Variants in ANKS1B observed in about 807,000 individuals in gnomAD.
ANKS1B encodes the protein ankyrin repeat and sterile alpha motif domain-containing protein 1B.
A neutral mutation model predicts 148.3 loss-of-function variants in ANKS1B; 36 were observed. The observed-to-expected ratio is 0.24, with a 90% CI of 0.19 to 0.32. The LOEUF is 0.32. Among genes scored for constraint, ANKS1B ranks in the 10% least tolerant of loss-of-function variants. The pLI is 1.00. For synonymous variants in ANKS1B, 542 were observed against 560.8 expected, an observed-to-expected ratio of 0.97 and a Z score of 0.47; for missense variants, 1,157 against 1,542.6, an observed-to-expected ratio of 0.75 and a Z score of 4.19.
At chr12:99,293,312 G>A (rs992143674) in intron 12 of ANKS1B, among the ~76,000 whole-genome samples, 2 of 151,654 alleles carry the variant, frequency 1.3e-5, no homozygotes, top group African/African-American at 4.9e-5. Context: ...GAGAACACCT[G>A]GACACAGGGT....
chr12:98,983,809 TGA>T (rs1338351842), intron 17 of ANKS1B, among the ~76,000 whole-genome samples: 8 of 152,200 alleles, frequency 5.3e-5, no homozygotes, highest in Non-Finnish European at 8.8e-5. Flanking sequence ...AAAACTCCAC[TGA>T]GTTTCAAGGC....
chr12:98,763,157 A>G (rs1448192042), intron 25 of ANKS1B, among the ~76,000 whole-genome samples: 2 of 152,218 alleles, frequency 1.3e-5, no homozygotes, highest in African/African-American at 4.8e-5. Flanking sequence ...TTTTTAGGCT[A>G]TATTTTGCTT....
intron 20 of ANKS1B, among the ~76,000 whole-genome samples, chr12:98,803,107 AT>A (rs1594183045): frequency 6.6e-6 from 1 of 151,380 alleles, no homozygotes; most frequent in Non-Finnish European, 1.5e-5. Flanking sequence ...TCTTATTTTG[AT>A]TTTTTTTCTT....
intron 14 of ANKS1B, among the ~76,000 whole-genome samples, chr12:99,225,853 T>A (rs2085852150): frequency 6.6e-6 from 1 of 152,210 alleles, no homozygotes; most frequent in Non-Finnish European, 1.5e-5. Context: ...GCAGACAGCA[T>A]ATTGTGGGAC....
intron 8 of ANKS1B, among the ~76,000 whole-genome samples, chr12:99,657,983 T>C (rs1471120104): frequency 6.7e-6 from 1 of 148,428 alleles, no homozygotes; most frequent in Non-Finnish European, 1.5e-5. Flanking sequence ...GCAAATGATA[T>C]CCAAATTCCT....
intron 15 of ANKS1B, among the ~76,000 whole-genome samples, chr12:99,094,830 G>T (rs2055365716): frequency 6.6e-6 from 1 of 152,178 alleles, no homozygotes; most frequent in Non-Finnish European, 1.5e-5. Flanking sequence ...AGTGCAATGG[G>T]AAACATTGAA....
intron 25 of ANKS1B, among the ~76,000 whole-genome samples, chr12:98,757,041 TAAAAAAAAAAGGAA>T (rs2098266469): frequency 7.0e-6 from 1 of 143,038 alleles, no homozygotes; most frequent in African/African-American, 2.6e-5. Flanking sequence ...GACTCAATCT[TAAAAAAAAAAGGAA>T]AAAAAAAAAA....
At chr12:98,974,915 TTTC>T (rs1361431248) in intron 17 of ANKS1B, among the ~76,000 whole-genome samples, 1 of 142,470 alleles carries the variant, frequency 7.0e-6, no homozygotes, top group African/African-American at 2.6e-5. Flanking sequence ...CCCTCCCTTC[TTTC>T]TTCTTCCCTT....
intron 1 of ANKS1B, among the ~76,000 whole-genome samples, chr12:99,869,491 T>C (rs1174824585): frequency 6.6e-6 from 1 of 151,838 alleles, no homozygotes; most frequent in Non-Finnish European, 1.5e-5. Flanking sequence ...CTGACCAACA[T>C]GGAGAAACCC....
chr12:99,119,636 T>G (rs776958723), intron 15 of ANKS1B, among the ~76,000 whole-genome samples: 1 of 152,218 alleles, frequency 6.6e-6, no homozygotes, highest in Non-Finnish European at 1.5e-5. Flanking sequence ...AAGCATCACC[T>G]GCTGACATTT....
intron 15 of ANKS1B, among the ~76,000 whole-genome samples, chr12:99,131,273 C>G (rs2066008414): frequency 6.6e-6 from 1 of 152,218 alleles, no homozygotes; most frequent in African/African-American, 2.4e-5. Flanking sequence ...TCATGAGTCT[C>G]TTTAGTTTTG....
At chr12:99,226,743 A>C (rs2086000599) in intron 14 of ANKS1B, among the ~76,000 whole-genome samples, 1 of 152,252 alleles carries the variant, frequency 6.6e-6, no homozygotes. Flanking sequence ...AAGGTGAACC[A>C]AAGGAAGACT....
At position 98,744,485 on chromosome 12, in the gene ANKS1B, T is replaced by C; in HGVS notation, c.*1254A>G. 3.2e-6 allele frequency: 2 copies of C among 632,698 alleles called. No homozygotes were observed. Among genetic ancestry groups the C allele is most frequent in the Non-Finnish European group, 3.9e-6 (2 of 507,834 alleles). The allele number at this position is 632,698 out of a possible 1,614,324, so 39.2% of individuals were successfully genotyped here. On this transcript the variant is annotated 3_prime_UTR_variant, in exon 27 of 27. Transcript: ENST00000683438. ...TATACATTAAAATGTTATTTTTTTCTATAATGATATTGGTACTGTTTATAT... is the reference window on the plus strand; with the variant it reads ...TATACATTAAAATGTTATTTTTTTCCATAATGATATTGGTACTGTTTATAT...
At chr12:99,915,259 G>A (rs1279709844) in intron 1 of ANKS1B, among the ~76,000 whole-genome samples, 1 of 150,018 alleles carries the variant, frequency 6.7e-6, no homozygotes, top group Non-Finnish European at 1.5e-5. Flanking sequence ...AACTGTGAAG[G>A]GCACACCTTC....
intron 12 of ANKS1B, among the ~76,000 whole-genome samples, chr12:99,280,172 ATG>A (rs376371933): frequency 8.9e-5 from 13 of 146,846 alleles, no homozygotes; most frequent in Admixed American, 2.0e-4. Flanking sequence ...GTGTGTGTGT[ATG>A]TGTGTGTGTG....
At chr12:99,703,326 T>C (rs1411014669) in intron 8 of ANKS1B, among the ~76,000 whole-genome samples, 1 of 152,136 alleles carries the variant, frequency 6.6e-6, no homozygotes, top group Non-Finnish European at 1.5e-5. Flanking sequence ...TGTTGATTAT[T>C]TGTAATAGTA....
intron 1 of ANKS1B, among the ~76,000 whole-genome samples, chr12:99,966,701 C>T (rs2095488969): frequency 6.6e-6 from 1 of 152,166 alleles, no homozygotes; most frequent in African/African-American, 2.4e-5. Context: ...ATAGTGTACA[C>T]CTCAAGATAT....
At chr12:99,433,551 G>C (rs139248056) in intron 11 of ANKS1B, among the ~76,000 whole-genome samples, 1 of 152,116 alleles carries the variant, frequency 6.6e-6, no homozygotes, top group Non-Finnish European at 1.5e-5. Context: ...TGGATCTGAG[G>C]TGTGAGAGAA....
At chr12:99,175,905 A>G (rs2078328002) in intron 14 of ANKS1B, among the ~76,000 whole-genome samples, 1 of 152,118 alleles carries the variant, frequency 6.6e-6, no homozygotes, top group South Asian at 2.1e-4. Context: ...GGAGTGCAGT[A>G]GCATGATCTC....
Sources: gnomAD v4.1 joint callset for allele counts (sites outside exome capture counted in the v4.1 genomes callset) on GRCh38, gnomAD v4.1.1 for gene constraint, MANE v1.5 for transcripts, NCBI Gene and HGNC (gene_info 2026-07-23, HGNC 2026-07-21) for gene names.